TENT4B: variants seen among roughly 807,000 people sequenced by gnomAD.
TENT4B encodes the protein terminal nucleotidyltransferase 4B.
Under a neutral mutation model 75.0 loss-of-function variants are expected in TENT4B, and 10 were observed. That is an observed-to-expected ratio of 0.13 (90% CI 0.08 to 0.23). The LOEUF is 0.23. Among genes scored for constraint, TENT4B ranks in the 10% least tolerant of loss-of-function variants. The pLI, the probability that TENT4B is intolerant of heterozygous loss-of-function variation, is 1.00. For synonymous variants in TENT4B, 350 were observed against 357.7 expected, an observed-to-expected ratio of 0.98 and a Z score of 0.24; for missense variants, 579 against 893.8, an observed-to-expected ratio of 0.65 and a Z score of 4.49.
rs767126284 is a variant in TENT4B, at chr16:50,153,759, C to G, written c.138C>G (p.Ser46Arg). ...NHHCHSSGGASGGGGSSSSSS... is the reference protein window; with the variant it reads ...NHHCHSSGGARGGGGSSSSSS... ...ACTGTCACAGCAGCGGCGGCGCGAG[C>G]GGCGGCGGCGGCAGCAGCAGCAGCA... is the stretch of plus-strand genomic sequence containing the variant. Residue 46 changes from serine (S) to arginine (R), a missense_variant, in exon 1 of 12, where the codon AGC (serine) becomes AGG (arginine). Around this residue, in one of 7 missense-constraint regions of TENT4B, gnomAD observed 253 missense variants for 270.1 expected, o/e 0.94. Coordinates refer to ENST00000561678, the MANE Select transcript of TENT4B (RefSeq NM_001365324.3). 2 of 1,066,808 alleles carry G rather than the reference C, an allele frequency of 1.9e-6. No individual in the cohort carries two copies. The highest frequency in any genetic ancestry group is 3.9e-5 in the South Asian group (1 of 25,838). 66.1% of individuals were successfully genotyped at this position (1,066,808 alleles called of 1,614,324 possible). A position where few individuals can be genotyped will look rare whatever the true frequency, so the allele number is the denominator to read the frequency against.
At chr16:50,180,360 C>T (rs1225938505) in intron 1 of TENT4B, among the ~76,000 whole-genome samples, 4 of 152,170 alleles carry the variant, frequency 2.6e-5, no homozygotes, top group Admixed American at 6.5e-5. Context: ...GCCTCAGCCT[C>T]CCAGAGTGCT....
intron 1 of TENT4B, among the ~76,000 whole-genome samples, chr16:50,197,463 A>AT (rs1179585614): frequency 6.6e-6 from 1 of 151,958 alleles, no homozygotes; most frequent in African/African-American, 2.4e-5. Flanking sequence ...TGATTTTTGT[A>AT]TTTTTTGTAG....
At position 50,205,280 on chromosome 16, in the gene TENT4B, G is replaced by A. The variant is rs185078928; in HGVS notation, c.639-6043G>A. Among the ~76,000 whole-genome samples the A allele has an allele frequency of 4.7e-3, 716 of 152,046 alleles. 7 individuals are homozygous for A. Among genetic ancestry groups the A allele is most frequent in the African/African-American group, 0.017 (686 of 41,466 alleles). ...TATTTTTCACATGGGAAAATATAAA[G>A]GTGACAACAAATCTCCTGGACTATA... On this transcript the variant is annotated intron_variant, in intron 1 of 11. Transcript: ENST00000561678.
intron 1 of TENT4B, among the ~76,000 whole-genome samples, chr16:50,154,700 G>T (rs1419297522): frequency 6.6e-6 from 1 of 152,140 alleles, no homozygotes; most frequent in South Asian, 2.1e-4. Context: ...ACATTGGTGT[G>T]TGAGTGTTTT....
intron 1 of TENT4B, among the ~76,000 whole-genome samples, chr16:50,189,333 G>A (rs1476214275): frequency 1.3e-5 from 2 of 152,112 alleles, no homozygotes; most frequent in Non-Finnish European, 2.9e-5. Context: ...GTGAGACTGT[G>A]CCAGTTTGAT....
chr16:50,205,320 A>G (rs2030888082), intron 1 of TENT4B, among the ~76,000 whole-genome samples: 2 of 152,118 alleles, frequency 1.3e-5, no homozygotes, highest in Non-Finnish European at 2.9e-5. Context: ...CATCAAGCAG[A>G]CAATAATCTC....
intron 5 of TENT4B, 61 bp from the exon 6 acceptor site, chr16:50,222,245 C>T (rs74415981): frequency 3.4e-6 from 5 of 1,471,792 alleles, no homozygotes; most frequent in Non-Finnish European, 2.8e-6. Context: ...TTATGCCCCT[C>T]TTAATGCTTA....
chr16:50,222,868 A>C (rs1042676018), intron 6 of TENT4B, among the ~76,000 whole-genome samples: 1 of 152,226 alleles, frequency 6.6e-6, no homozygotes, highest in African/African-American at 2.4e-5. Context: ...AGGGTTGCCA[A>C]CTGCCTGAGT....
At chr16:50,196,584 A>G (rs561266996) in intron 1 of TENT4B, among the ~76,000 whole-genome samples, 21 of 152,238 alleles carry the variant, frequency 1.4e-4, no homozygotes, top group Middle Eastern at 3.4e-3. Flanking sequence ...AAAAAATACA[A>G]TAGATGCTTG....
intron 1 of TENT4B, among the ~76,000 whole-genome samples, chr16:50,176,626 C>G (rs1190325446): frequency 2.0e-5 from 3 of 146,654 alleles, no homozygotes; most frequent in Non-Finnish European, 3.0e-5. Flanking sequence ...CCTGCCTCAG[C>G]CTCCTGAGCA....
intron 1 of TENT4B, among the ~76,000 whole-genome samples, chr16:50,199,312 G>A (rs1202119721): frequency 6.6e-6 from 1 of 152,242 alleles, no homozygotes; most frequent in Non-Finnish European, 1.5e-5. Flanking sequence ...TGGCTTTGCA[G>A]TGCAGCCTCA....
At position 50,231,948 on chromosome 16, in the gene TENT4B, T is replaced by A; in HGVS notation, c.*2620T>A. ...ATATCAGAAATGTGTCATTTATATA[T>A]TAGAGTCCATTCATATCCATGAATC... On this transcript the variant is annotated 3_prime_UTR_variant, in exon 12 of 12. Coordinates refer to ENST00000561678, the MANE Select transcript of TENT4B (RefSeq NM_001365324.3). 1 of 980,936 alleles carries A rather than the reference T, an allele frequency of 1.0e-6. No homozygotes were observed. The highest frequency in any genetic ancestry group is 1.1e-4 in the East Asian group (1 of 8,802). 60.8% of individuals were successfully genotyped at this position (980,936 alleles called of 1,614,324 possible).
chr16:50,167,520 A>AT (rs995987619), intron 1 of TENT4B, among the ~76,000 whole-genome samples: 22 of 145,616 alleles, frequency 1.5e-4, no homozygotes, highest in African/African-American at 4.1e-4. Flanking sequence ...TAATTTGTCT[A>AT]TTTTTTTTTC....
intron 3 of TENT4B, among the ~76,000 whole-genome samples, chr16:50,214,662 T>G (rs1023351891): frequency 6.7e-6 from 1 of 149,464 alleles, no homozygotes; most frequent in African/African-American, 2.4e-5. Flanking sequence ...TCTCAAAAAA[T>G]AAGTAAGTAA....
chr16:50,224,764 C>G lies in TENT4B; in HGVS notation c.1489C>G (p.Pro497Ala). 6.2e-7 allele frequency: 1 copy of G among 1,613,960 alleles called. No homozygotes were observed. The highest frequency in any genetic ancestry group is 1.1e-5 in the South Asian group (1 of 91,074). ...HAVSPIAKYYPNNETESILGR... is the reference protein window; with the variant it reads ...HAVSPIAKYYANNETESILGR... ...TGTATCACCAATAGCAAAGTACTAT[C>G]CCAACAATGAAACAGAAAGGTAAAA... Residue 497 changes from proline (P) to alanine (A), a missense_variant, in exon 8 of 12, where the codon CCC becomes GCC. This residue lies in a region of TENT4B where 71 missense variants were observed against 210.6 expected (regional missense o/e 0.34). Transcript: ENST00000561678.
chr16:50,222,951 G>A lies in TENT4B; in HGVS notation c.1168-223G>A, dbSNP rs530174720. On this transcript the variant is annotated intron_variant, in intron 6 of 11. Coordinates refer to ENST00000561678, the MANE Select transcript of TENT4B (RefSeq NM_001365324.3). ...CCCTGGTTGGCAGCCTGGTGCAGCC[G>A]TAAAATTCAGCCTTACAAACAGTCT... Among the ~76,000 whole-genome samples the A allele has an allele frequency of 8.7e-4, 132 of 152,268 alleles. 2 individuals are homozygous for A. Among genetic ancestry groups the A allele is most frequent in the African/African-American group, 2.3e-3 (96 of 41,550 alleles).
chr16:50,225,058 A>G, intron 9 of TENT4B, 40 bp from the exon 10 acceptor site: 1 of 1,608,416 alleles, frequency 6.2e-7, no homozygotes, highest in Non-Finnish European at 8.5e-7. Flanking sequence ...TGTGCGTTTA[A>G]TGGGAAGAAA....
At chr16:50,195,778 A>G (rs548866541) in intron 1 of TENT4B, among the ~76,000 whole-genome samples, 2 of 152,356 alleles carry the variant, frequency 1.3e-5, no homozygotes, top group South Asian at 2.1e-4. Context: ...GGTATAAAAA[A>G]TATACATATA....
intron 2 of TENT4B, among the ~76,000 whole-genome samples, chr16:50,211,867 A>G (rs1368675320): frequency 6.6e-6 from 1 of 152,172 alleles, no homozygotes; most frequent in Admixed American, 6.5e-5. Context: ...TCAAGTAAGA[A>G]CTTTTGTCAC....
Sources: allele counts gnomAD v4.1 joint callset (sites outside exome capture counted in the v4.1 genomes callset), GRCh38; gene constraint gnomAD v4.1.1; regional missense constraint gnomAD v4.1.1; transcripts MANE v1.5; gene names NCBI Gene and HGNC (gene_info 2026-07-23, HGNC 2026-07-21).